Variants in OLFML2B observed in about 807,000 individuals in gnomAD.
OLFML2B encodes the protein olfactomedin like 2B.
A neutral mutation model predicts 74.9 loss-of-function variants in OLFML2B; 57 were observed. That is an observed-to-expected ratio of 0.76 (90% CI 0.61 to 0.95). The LOEUF (loss-of-function observed/expected upper bound fraction) is 0.95, where lower values mean the gene tolerates loss of function less well. OLFML2B is among the 40% of genes least tolerant of loss of function. The pLI is 0.00. For missense variants in OLFML2B, 986 were observed against 970.6 expected (o/e 1.02, Z -0.21); for synonymous variants, 388 against 405.8 (o/e 0.96, Z 0.53).
chr1:161,986,539 C>T (rs1035127212), intron 6 of OLFML2B, among the ~76,000 whole-genome samples: 1 of 152,182 alleles, frequency 6.6e-6, no homozygotes, highest in African/African-American at 2.4e-5. Context: ...TCTGACGGAG[C>T]GGGGAGAGAT....
At chr1:161,984,714 G>C (rs565241707) in intron 7 of OLFML2B, 90 bp downstream of exon 7, 1 of 1,363,066 alleles carries the variant, frequency 7.3e-7, no homozygotes, top group African/African-American at 1.4e-5. Context: ...CTTCCTATCC[G>C]TCATTACCAC....
intron 3 of OLFML2B, among the ~76,000 whole-genome samples, chr1:162,011,379 C>T (rs1248979809): frequency 6.6e-6 from 1 of 152,168 alleles, no homozygotes; most frequent in African/African-American, 2.4e-5. Flanking sequence ...GCTCGTAGTT[C>T]CCATCAGCTC....
At chr1:161,991,256 G>A (rs144086887) in intron 6 of OLFML2B, among the ~76,000 whole-genome samples, 1 of 152,272 alleles carries the variant, frequency 6.6e-6, no homozygotes, top group East Asian at 1.9e-4. Context: ...CATTATCTAT[G>A]GCAGCTATAG....
chr1:161,991,159 C>A (rs1168191701), intron 6 of OLFML2B, among the ~76,000 whole-genome samples: 1 of 152,218 alleles, frequency 6.6e-6, no homozygotes, highest in Non-Finnish European at 1.5e-5. Context: ...GATATTTTGA[C>A]CTCTTCCCAT....
chr1:162,015,042 T>C (rs751596083), intron 3 of OLFML2B, among the ~76,000 whole-genome samples: 2 of 152,210 alleles, frequency 1.3e-5, no homozygotes, highest in Non-Finnish European at 2.9e-5. Context: ...AGTCATCTAA[T>C]TTCCTTGGCT....
intron 6 of OLFML2B, among the ~76,000 whole-genome samples, chr1:161,986,874 G>A (rs1365720218): frequency 6.6e-6 from 1 of 152,250 alleles, no homozygotes; most frequent in Non-Finnish European, 1.5e-5. Flanking sequence ...CCCACAGATG[G>A]CCATGAGGTG....
chr1:161,989,009 A>T (rs549874391), intron 6 of OLFML2B, among the ~76,000 whole-genome samples: 1 of 151,782 alleles, frequency 6.6e-6, no homozygotes, highest in Non-Finnish European at 1.5e-5. Context: ...CCACATTCCA[A>T]CTCAGCACTG....
intron 1 of OLFML2B, among the ~76,000 whole-genome samples, chr1:162,022,020 G>T (rs1259011361): frequency 6.6e-6 from 1 of 152,114 alleles, no homozygotes; most frequent in African/African-American, 2.4e-5. Context: ...ACAGGAAGGA[G>T]ACAAGGCCCA....
chr1:161,992,211 C>G (rs535910938), intron 6 of OLFML2B, among the ~76,000 whole-genome samples: 1 of 152,242 alleles, frequency 6.6e-6, no homozygotes, highest in Non-Finnish European at 1.5e-5. Context: ...CTAAATCTCA[C>G]GAACCAGCCT....
At chr1:161,994,897 G>A (rs1571289487) in intron 6 of OLFML2B, among the ~76,000 whole-genome samples, 1 of 152,126 alleles carries the variant, frequency 6.6e-6, no homozygotes, top group Non-Finnish European at 1.5e-5. Context: ...TTTAAAATTA[G>A]TGCTGTTTAC....
intron 3 of OLFML2B, among the ~76,000 whole-genome samples, chr1:162,011,175 G>A (rs1690369849): frequency 6.6e-6 from 1 of 152,196 alleles, no homozygotes; most frequent in Admixed American, 6.5e-5. Context: ...CACACAGCAG[G>A]TGCACACAGC....
At chr1:162,009,906 C>G (rs913899332) in intron 3 of OLFML2B, among the ~76,000 whole-genome samples, 1 of 152,222 alleles carries the variant, frequency 6.6e-6, no homozygotes, top group Non-Finnish European at 1.5e-5. Flanking sequence ...ACAGGGTACC[C>G]TCGATTCTGC....
intron 6 of OLFML2B, among the ~76,000 whole-genome samples, chr1:161,985,955 T>C (rs1366658660): frequency 6.6e-6 from 1 of 152,348 alleles, no homozygotes; most frequent in Admixed American, 6.5e-5. Flanking sequence ...GTTGAGAGCC[T>C]GCAATGCTTA....
chr1:161,983,803 C>G lies in OLFML2B; in HGVS notation c.2125G>C (p.Val709Leu). ...TCATTCTCGAACAGCAGCCTGGGGA[C>G]GATCTGTGTGTTGGTGTGGGTGTCG... The part of the protein sequence containing the change: ...AFDTHTNTQI[V>L]PRLLFENEYS... The change falls in exon 8 of 8, where the codon GTC (valine) becomes CTC (leucine). Residue 709 changes from valine to leucine, a missense_variant. By Grantham distance (32) the Val-to-Leu change is conservative. Coordinates refer to ENST00000294794, the MANE Select transcript of OLFML2B (RefSeq NM_015441.3). 6.2e-7 allele frequency: 1 copy of G among 1,614,102 alleles called. No individual in the cohort carries two copies. The highest frequency in any genetic ancestry group is 1.3e-5 in the African/African-American group (1 of 75,002).
At chr1:162,017,607 A>C in intron 2 of OLFML2B, 100 bp from the exon 3 acceptor site, 1 of 778,838 alleles carries the variant, frequency 1.3e-6, no homozygotes, top group South Asian at 2.0e-5. Flanking sequence ...CAGGAAAGCC[A>C]CTAGCCAGGA....
chr1:162,010,452 T>C (rs1368455543), intron 3 of OLFML2B, among the ~76,000 whole-genome samples: 3 of 152,034 alleles, frequency 2.0e-5, no homozygotes, highest in African/African-American at 4.8e-5. Flanking sequence ...GGGAACCGGA[T>C]GCAGGTGGAG....
In OLFML2B at chr1:162,017,479, C is replaced by A. The variant is rs1429310242; in HGVS notation, c.467G>T (p.Gly156Val). ...KLSTIIDMLE[G>V]AFYGLDLLKL... ...CAGGAGATCCAGGCCATAGAACGCT[C>A]CTTCCAACATGTCTATGATTGTGGA... is the stretch of plus-strand genomic sequence containing the variant. The change falls in exon 3 of 8, where the codon GGA (glycine) becomes GTA (valine). Residue 156 changes from glycine to valine, a missense_variant. Gly to Val is a moderately radical substitution (Grantham distance 109). Transcript: ENST00000294794. 1 of 1,613,238 alleles carries A rather than the reference C, an allele frequency of 6.2e-7. No individual in the cohort carries two copies. The highest frequency in any genetic ancestry group is 2.2e-5 in the East Asian group (1 of 44,806).
chr1:162,010,123 G>A (rs1690336494), intron 3 of OLFML2B, among the ~76,000 whole-genome samples: 2 of 152,246 alleles, frequency 1.3e-5, no homozygotes, highest in African/African-American at 4.8e-5. Flanking sequence ...AAGAGGGAAG[G>A]GAAGAGGGAG....
At chr1:162,004,408 A>G (rs1690164566) in intron 4 of OLFML2B, among the ~76,000 whole-genome samples, 1 of 152,228 alleles carries the variant, frequency 6.6e-6, no homozygotes, top group Non-Finnish European at 1.5e-5. Flanking sequence ...ATATTTCCAA[A>G]AAAGCACCAA....
Sources: allele counts gnomAD v4.1 joint callset (sites outside exome capture counted in the v4.1 genomes callset), GRCh38; gene constraint gnomAD v4.1.1; transcripts MANE v1.5; gene names NCBI Gene and HGNC (gene_info 2026-07-23, HGNC 2026-07-21).